Variants in PDSS2 observed in about 807,000 individuals in gnomAD.
The protein encoded by PDSS2 is all trans-polyprenyl-diphosphate synthase PDSS2.
In PDSS2, 31 loss-of-function variants were observed where a neutral mutation model predicts 44.5. The observed-to-expected ratio is 0.70, with a 90% CI of 0.52 to 0.94. PDSS2 has a LOEUF of 0.94. Ranked by LOEUF, PDSS2 falls within the 40% of genes least tolerant of loss-of-function variation. The probability of loss-of-function intolerance (pLI) is 0.00; values close to 1 mark genes in which losing one functional copy is unlikely to be tolerated. For missense variants in PDSS2, 452 were observed against 482.2 expected (o/e 0.94, Z 0.59); for synonymous variants, 157 against 180.3 (o/e 0.87, Z 1.03).
intron 1 of PDSS2, among the ~76,000 whole-genome samples, chr6:107,339,525 A>G (rs1474080767): frequency 6.6e-6 from 1 of 152,202 alleles, no homozygotes; most frequent in African/African-American, 2.4e-5. Context: ...CTTATGGTCT[A>G]ATGGAAGAGA....
At chr6:107,159,502 C>T (rs1316226152) in intron 7 of PDSS2, among the ~76,000 whole-genome samples, 7 of 151,194 alleles carry the variant, frequency 4.6e-5, no homozygotes, top group Non-Finnish European at 1.0e-4. Flanking sequence ...CTGCTACCTC[C>T]GCCTCCCGGG....
intron 7 of PDSS2, among the ~76,000 whole-genome samples, chr6:107,156,624 G>T (rs566852107): frequency 2.0e-5 from 3 of 152,274 alleles, no homozygotes; most frequent in African/African-American, 4.8e-5. Flanking sequence ...GTGTAGCCAG[G>T]TGACAAGTTC....
intron 2 of PDSS2, among the ~76,000 whole-genome samples, chr6:107,286,126 C>T (rs1389542224): frequency 1.0e-4 from 2 of 19,404 alleles, no homozygotes; most frequent in Non-Finnish European, 1.3e-4. Context: ...AGCAAAACTT[C>T]GTCGCAAAAT....
intron 1 of PDSS2, among the ~76,000 whole-genome samples, chr6:107,395,257 T>A (rs1376047309): frequency 1.3e-5 from 2 of 152,150 alleles, no homozygotes; most frequent in Non-Finnish European, 2.9e-5. Context: ...GATTATGATG[T>A]ATCCTGGTGC....
In PDSS2 at chr6:107,152,582, A is replaced by G. The variant is rs971069080; in HGVS notation, c.*2037T>C. 6.6e-6 allele frequency: 1 copy of G among 151,886 alleles called. No homozygotes were observed. Among genetic ancestry groups the G allele is most frequent in the African/African-American group, 2.4e-5 (1 of 41,326 alleles). 9.4% of individuals were successfully genotyped at this position (151,886 alleles called of 1,614,324 possible). On this transcript the variant is annotated 3_prime_UTR_variant, in exon 8 of 8. Transcript: ENST00000369037. ...AAGAATTTCATAATTATCTTGTTTAATCTCTTTTTTTTTTTCACACTTGAC... is the reference window on the plus strand; with the variant it reads ...AAGAATTTCATAATTATCTTGTTTAGTCTCTTTTTTTTTTTCACACTTGAC...
intron 4 of PDSS2, among the ~76,000 whole-genome samples, chr6:107,233,637 C>A (rs1259364944): frequency 6.6e-6 from 1 of 150,874 alleles, no homozygotes; most frequent in African/African-American, 2.4e-5. Flanking sequence ...CGAAGGGAGA[C>A]CTTGCCTTTA....
At chr6:107,197,596 G>A (rs1486608787) in intron 6 of PDSS2, among the ~76,000 whole-genome samples, 1 of 151,918 alleles carries the variant, frequency 6.6e-6, no homozygotes, top group Non-Finnish European at 1.5e-5. Flanking sequence ...ATCCTTGCAT[G>A]TTGGGTCATA....
intron 1 of PDSS2, among the ~76,000 whole-genome samples, chr6:107,384,618 C>A (rs1315206914): frequency 1.3e-5 from 2 of 150,240 alleles, no homozygotes; most frequent in East Asian, 3.9e-4. Context: ...TCCAGTCCAG[C>A]CAACAAAAGT....
chr6:107,200,549 A>C (rs1016520474), intron 6 of PDSS2, among the ~76,000 whole-genome samples: 5 of 152,166 alleles, frequency 3.3e-5, no homozygotes, highest in Admixed American at 1.3e-4. Context: ...GTTTACTTCA[A>C]AGGCTGAAAG....
intron 4 of PDSS2, among the ~76,000 whole-genome samples, chr6:107,222,026 C>T (rs1277983525): frequency 2.6e-5 from 4 of 152,184 alleles, no homozygotes. Flanking sequence ...GATTCATATT[C>T]TGGGTCACTA....
intron 4 of PDSS2, among the ~76,000 whole-genome samples, chr6:107,243,381 T>G (rs1774505838): frequency 6.6e-6 from 1 of 152,208 alleles, no homozygotes; most frequent in South Asian, 2.1e-4. Context: ...GCTGTCAGGT[T>G]TCCCTGACAT....
At chr6:107,261,461 C>T (rs976235958) in intron 3 of PDSS2, among the ~76,000 whole-genome samples, 2 of 152,176 alleles carry the variant, frequency 1.3e-5, no homozygotes, top group African/African-American at 2.4e-5. Flanking sequence ...TTCCTAAGGC[C>T]TTCCTAGAAG....
intron 1 of PDSS2, among the ~76,000 whole-genome samples, chr6:107,347,414 C>T (rs1458988959): frequency 6.6e-6 from 1 of 151,988 alleles, no homozygotes; most frequent in Non-Finnish European, 1.5e-5. Flanking sequence ...GGATTACAGG[C>T]GCCTGCCATC....
At chr6:107,344,610 T>C (rs1274769690) in intron 1 of PDSS2, among the ~76,000 whole-genome samples, 3 of 151,906 alleles carry the variant, frequency 2.0e-5, no homozygotes, top group Non-Finnish European at 4.4e-5. Context: ...TTGATGAGCA[T>C]GTGGCAGAAG....
intron 1 of PDSS2, among the ~76,000 whole-genome samples, chr6:107,431,023 C>A (rs1395495548): frequency 6.6e-6 from 1 of 152,122 alleles, no homozygotes; most frequent in Non-Finnish European, 1.5e-5. Context: ...GAAAGAAAAT[C>A]ACGTTGGGTT....
intron 7 of PDSS2, among the ~76,000 whole-genome samples, chr6:107,188,019 C>A (rs1327748223): frequency 6.6e-6 from 1 of 152,168 alleles, no homozygotes; most frequent in Non-Finnish European, 1.5e-5. Flanking sequence ...CTTGTGATGG[C>A]AAACCCTGGC....
At chr6:107,232,312 A>G (rs954393938) in intron 4 of PDSS2, among the ~76,000 whole-genome samples, 7 of 151,824 alleles carry the variant, frequency 4.6e-5, no homozygotes, top group South Asian at 2.1e-4. Flanking sequence ...TGATTCTCCT[A>G]CCTTGGCCTC....
chr6:107,318,042 T>C (rs1035957026), intron 2 of PDSS2, among the ~76,000 whole-genome samples: 1 of 152,170 alleles, frequency 6.6e-6, no homozygotes, highest in Non-Finnish European at 1.5e-5. Flanking sequence ...CTTGTGGTCA[T>C]CAGAAGCTCA....
At chr6:107,431,570 C>A (rs1012500967) in intron 1 of PDSS2, among the ~76,000 whole-genome samples, 1 of 152,076 alleles carries the variant, frequency 6.6e-6, no homozygotes, top group Admixed American at 6.6e-5. Flanking sequence ...TTTCTAATAA[C>A]AATCATAATA....
Sources: gnomAD v4.1 joint callset for allele counts (sites outside exome capture counted in the v4.1 genomes callset) on GRCh38, gnomAD v4.1.1 for gene constraint, MANE v1.5 for transcripts, NCBI Gene and HGNC (gene_info 2026-07-23, HGNC 2026-07-21) for gene names.